Variants in ZFAND1 observed in about 807,000 individuals in gnomAD.
ZFAND1 encodes AN1-type zinc finger protein 1.
In ZFAND1, 40 loss-of-function variants were observed where a neutral mutation model predicts 38.5. That is an observed-to-expected ratio of 1.04 (90% confidence interval 0.81 to 1.35). The LOEUF (loss-of-function observed/expected upper bound fraction) is 1.35. Among genes scored for constraint, ZFAND1 ranks in the 40% most tolerant of loss-of-function variants. The pLI is 0.00. For missense variants in ZFAND1, 346 were observed against 316.3 expected, an observed-to-expected ratio of 1.09 and a Z score of -0.71; for synonymous variants, 117 against 103.6, an observed-to-expected ratio of 1.13 and a Z score of -0.78.
chr8:81,715,164 A>C, intron 3 of ZFAND1, 50 bp from the exon 4 acceptor site: 1 of 1,588,676 alleles, frequency 6.3e-7, no homozygotes, highest in Non-Finnish European at 8.6e-7. Flanking sequence ...CCTAAAACAA[A>C]TCAATGTGTC....
intron 6 of ZFAND1, among the ~76,000 whole-genome samples, chr8:81,710,612 T>C (rs964759560): frequency 2.6e-5 from 4 of 152,066 alleles, no homozygotes; most frequent in Non-Finnish European, 5.9e-5. Context: ...AAAGTTCAGC[T>C]ATATGCTGCT....
At position 81,702,589 on chromosome 8, in the gene ZFAND1, A is replaced by C; in HGVS notation, c.*106T>G. On this transcript the variant is annotated 3_prime_UTR_variant, in exon 8 of 8. Transcript: ENST00000220669. ...ATGTGACATAAGGGGAAATAAGTTA[A>C]AAAGCAACTTTTAAAAATTACAAAA... 9.8e-7 allele frequency: 1 copy of C among 1,023,216 alleles called. No individual in the cohort carries two copies. The highest frequency in any genetic ancestry group is 1.3e-6 in the Non-Finnish European group (1 of 764,796). 63.4% of individuals were successfully genotyped at this position (1,023,216 alleles called of 1,614,324 possible).
chr8:81,705,747 C>T (rs1216990103), intron 6 of ZFAND1, among the ~76,000 whole-genome samples: 2 of 152,180 alleles, frequency 1.3e-5, no homozygotes, highest in Non-Finnish European at 2.9e-5. Context: ...ATGGCAAAAC[C>T]CCGTCTCTTA....
At chr8:81,709,922 T>C (rs80224588) in intron 6 of ZFAND1, among the ~76,000 whole-genome samples, 2,563 of 152,326 alleles carry the variant, frequency 0.017, 29 homozygotes, top group Admixed American at 0.035. Context: ...TGTTAGAAGA[T>C]TGCCTCAAAG....
At position 81,702,883 on chromosome 8, in the gene ZFAND1, A is replaced by G. The variant is rs1283170250; in HGVS notation, c.637-18T>C. On this transcript the variant is annotated intron_variant, in intron 7 of 7. Coordinates refer to ENST00000220669, the MANE Select transcript of ZFAND1 (RefSeq NM_024699.3). ...CTTAATTTCTGTGAAGGGAGAAGTAAGTCATACTGTAATAAATAAACATGC... is the reference window on the plus strand; with the variant it reads ...CTTAATTTCTGTGAAGGGAGAAGTAGGTCATACTGTAATAAATAAACATGC... 7.6e-6 allele frequency: 12 copies of G among 1,571,184 alleles called. No individual in the cohort carries two copies. The highest frequency in any genetic ancestry group is 1.0e-5 in the Non-Finnish European group (12 of 1,163,746).
At chr8:81,703,486 C>G (rs943044854) in intron 6 of ZFAND1, among the ~76,000 whole-genome samples, 1 of 152,192 alleles carries the variant, frequency 6.6e-6, no homozygotes, top group African/African-American at 2.4e-5. Context: ...TGCAATGGCA[C>G]GTTCTTGGCT....
chr8:81,706,984 T>G (rs1002741624), intron 6 of ZFAND1, among the ~76,000 whole-genome samples: 4 of 152,170 alleles, frequency 2.6e-5, no homozygotes, highest in Non-Finnish European at 5.9e-5. Context: ...TCTGAATAAA[T>G]AAAGACATAT....
Position 81,702,008 on chromosome 8 carries a change from A to G in ZFAND1, c.*687T>C, listed in dbSNP as rs1163611729. 1 of 152,226 alleles carries G rather than the reference A, an allele frequency of 6.6e-6. No individual in the cohort carries two copies. The highest frequency in any genetic ancestry group is 1.5e-5 in the Non-Finnish European group (1 of 68,026). 9.4% of individuals were successfully genotyped at this position (152,226 alleles called of 1,614,324 possible). A position where few individuals can be genotyped will look rare whatever the true frequency, so the allele number is the denominator to read the frequency against. ...ATAGTCACACAAACAAAAAAGATGAATCTCACTAGAGGTGGGTCTTTATCA... is the reference window on the plus strand; with the variant it reads ...ATAGTCACACAAACAAAAAAGATGAGTCTCACTAGAGGTGGGTCTTTATCA... On this transcript the variant is annotated 3_prime_UTR_variant, in exon 8 of 8. Coordinates refer to ENST00000220669, the MANE Select transcript of ZFAND1 (RefSeq NM_024699.3).
In ZFAND1 at chr8:81,721,219, C is replaced by CCGCT. The variant is rs1334918366; in HGVS notation, c.55+7_55+8insAGCG. 7.8e-6 allele frequency: 12 copies of CCGCT among 1,547,640 alleles called. No individual in the cohort carries two copies. The highest frequency in any genetic ancestry group is 1.4e-5 in the African/African-American group (1 of 73,042). On this transcript the variant is annotated splice_region_variant and intron_variant, in intron 1 of 7. Coordinates refer to ENST00000220669, the MANE Select transcript of ZFAND1 (RefSeq NM_024699.3). ...GCCGGGGATGGGGGCTGGAAGCTCC[C>CCGCT]GGATCACCTCGCTGCCGGCAATGCT...
chr8:81,715,461 C>T (rs897452745), intron 3 of ZFAND1, among the ~76,000 whole-genome samples: 1 of 152,054 alleles, frequency 6.6e-6, no homozygotes, highest in African/African-American at 2.4e-5. Flanking sequence ...GCAAGTCAAC[C>T]TAATTTCCAC....
In ZFAND1 at chr8:81,701,554, C is replaced by T. The variant is rs1224816530; in HGVS notation, c.*1141G>A. ...TTTCCAAGGTATACCTGTATGTATA[C>T]ATATCATCATTGTATTAATCATGGC... is the stretch of plus-strand genomic sequence containing the variant. On this transcript the variant is annotated 3_prime_UTR_variant, in exon 8 of 8. Transcript: ENST00000220669. 6.6e-6 allele frequency: 1 copy of T among 152,028 alleles called. No homozygotes were observed. The highest frequency in any genetic ancestry group is 1.5e-5 in the Non-Finnish European group (1 of 68,008). The allele number at this position is 152,028 out of a possible 1,614,324, so 9.4% of individuals were successfully genotyped here.
At chr8:81,704,291 C>T (rs543977370) in intron 6 of ZFAND1, among the ~76,000 whole-genome samples, 3 of 152,156 alleles carry the variant, frequency 2.0e-5, no homozygotes, top group Admixed American at 6.5e-5. Context: ...AATCCTAGCA[C>T]TTCGGGAGGT....
At chr8:81,704,655 C>A (rs547402463) in intron 6 of ZFAND1, among the ~76,000 whole-genome samples, 173 of 151,288 alleles carry the variant, frequency 1.1e-3, no homozygotes, top group Non-Finnish European at 2.3e-3. Context: ...CAGGTCAATT[C>A]TTGCTAAAAC....
chr8:81,708,788 C>A (rs1249443459), intron 6 of ZFAND1: 1 of 1,256,792 alleles, frequency 8.0e-7, no homozygotes, highest in African/African-American at 1.6e-5. Context: ...AGGCTCTTAC[C>A]AAGTTAGTGC....
chr8:81,706,430 A>T (rs2130393551), intron 6 of ZFAND1, among the ~76,000 whole-genome samples: 1 of 147,736 alleles, frequency 6.8e-6, no homozygotes, highest in African/African-American at 2.4e-5. Context: ...ATTAACTTAG[A>T]ATTAATTTTT....
chr8:81,718,056 TA>T, intron 2 of ZFAND1, 125 bp downstream of exon 2: 1 of 726,528 alleles, frequency 1.4e-6, no homozygotes, highest in East Asian at 3.0e-5. Flanking sequence ...AGTCTATAAC[TA>T]TACTGAATAT....
rs1808369344 is a variant in ZFAND1 at position 81,718,177 on chromosome 8, C to T, written c.98+5G>A. ...TCCCAAATCCTGCATAAAAACTTAA[C>T]TTACCAAAATATTCCTGAACAATCA... On this transcript the variant is annotated splice_donor_5th_base_variant and intron_variant, in intron 2 of 7. Coordinates refer to ENST00000220669, the MANE Select transcript of ZFAND1 (RefSeq NM_024699.3). The T allele has an allele frequency of 1.9e-6, 3 of 1,579,264 alleles. No homozygotes were observed. The highest frequency in any genetic ancestry group is 2.6e-6 in the Non-Finnish European group (3 of 1,162,874).
At chr8:81,714,233 A>G in intron 5 of ZFAND1, 194 bp from the exon 6 acceptor site, 1 of 511,366 alleles carries the variant, frequency 2.0e-6, no homozygotes, top group Non-Finnish European at 3.3e-6. Flanking sequence ...GATCTAGGCA[A>G]TCTCCACATC....
Position 81,715,123 on chromosome 8 carries a change from G to C in ZFAND1, c.139-9C>G. The C allele has an allele frequency of 6.2e-7, 1 of 1,608,358 alleles. No homozygotes were observed. The highest frequency in any genetic ancestry group is 1.1e-5 in the South Asian group (1 of 90,210). ...TCATTGATTACAGTCACCTGAAAAT[G>C]CAAAAAGGAGGAAATGTATTACATT... On this transcript the variant is annotated splice_polypyrimidine_tract_variant and intron_variant, in intron 3 of 7. Transcript: ENST00000220669.
Sources: gnomAD v4.1 joint callset for allele counts (sites outside exome capture counted in the v4.1 genomes callset) on GRCh38, gnomAD v4.1.1 for gene constraint, MANE v1.5 for transcripts, NCBI Gene and HGNC (gene_info 2026-07-23, HGNC 2026-07-21) for gene names.